The following PTPRM variants were observed in gnomAD, a reference collection of about 807,000 sequenced individuals.
PTPRM encodes protein tyrosine phosphatase receptor type M, also known as receptor-type tyrosine-protein phosphatase mu.
Under a neutral mutation model 186.7 loss-of-function variants are expected in PTPRM, and 47 were observed. The ratio of observed to expected loss-of-function variants is 0.25; its 90% CI spans 0.20 to 0.32. The LOEUF is 0.32. Ranked by LOEUF, PTPRM falls within the 10% of genes least tolerant of loss-of-function variation. The pLI, the probability that PTPRM is intolerant of heterozygous loss-of-function variation, is 1.00. For synonymous variants in PTPRM, 668 were observed against 674.9 expected (o/e 0.99, Z 0.16); for missense variants, 1,494 against 1,865.0 (o/e 0.80, Z 3.66).
At chr18:8,205,918 C>T (rs953651917) in intron 14 of PTPRM, among the ~76,000 whole-genome samples, 1 of 152,016 alleles carries the variant, frequency 6.6e-6, no homozygotes, top group Non-Finnish European at 1.5e-5. Context: ...ATTTGGAGTG[C>T]CCGGTGATTA....
chr18:8,189,186 A>G (rs1261960351), intron 14 of PTPRM, among the ~76,000 whole-genome samples: 1 of 151,144 alleles, frequency 6.6e-6, no homozygotes, highest in African/African-American at 2.4e-5. Context: ...GGTCCCAGCT[A>G]CTCAGGAGGC....
intron 15 of PTPRM, among the ~76,000 whole-genome samples, chr18:8,247,395 T>G (rs1238406338): frequency 6.6e-6 from 1 of 152,220 alleles, no homozygotes; most frequent in Non-Finnish European, 1.5e-5. Context: ...GAGTATTCTC[T>G]GCATATCCAA....
chr18:7,984,218 G>A (rs1332950770), intron 7 of PTPRM, among the ~76,000 whole-genome samples: 1 of 151,982 alleles, frequency 6.6e-6, no homozygotes, highest in African/African-American at 2.4e-5. Flanking sequence ...ACCTTCTTGA[G>A]GGCATTAGAG....
chr18:8,275,229 A>T (rs1234234917), intron 19 of PTPRM, among the ~76,000 whole-genome samples: 1 of 151,956 alleles, frequency 6.6e-6, no homozygotes, highest in East Asian at 1.9e-4. Flanking sequence ...ACTTGGGCCC[A>T]AGAGTTTGAG....
intron 17 of PTPRM, among the ~76,000 whole-genome samples, chr18:8,250,177 T>C (rs757097948): frequency 6.6e-6 from 1 of 151,968 alleles, no homozygotes; most frequent in Non-Finnish European, 1.5e-5. Context: ...AGCCCTAATG[T>C]ATAGAGCTGG....
chr18:8,047,063 C>T lies in PTPRM; in HGVS notation c.1133-22623C>T, dbSNP rs564006915. Among the ~76,000 whole-genome samples the T allele has an allele frequency of 2.0e-4, 30 of 152,230 alleles. No homozygotes were observed. In the South Asian group the frequency reaches 3.9e-3, roughly 20 times the overall value. On this transcript the variant is annotated intron_variant, in intron 7 of 32. Coordinates refer to ENST00000580170, the MANE Select transcript of PTPRM (RefSeq NM_001105244.2). ...AGAATTCAACTTCAGAAAGAATGAA[C>T]GAAACTAAGACTTTTTAAGTTATTT...
At chr18:7,839,621 T>A (rs917318722) in intron 2 of PTPRM, among the ~76,000 whole-genome samples, 3 of 152,074 alleles carry the variant, frequency 2.0e-5, no homozygotes, top group African/African-American at 7.2e-5. Context: ...AGAGATGGGG[T>A]CTCTGTTGGA....
intron 1 of PTPRM, among the ~76,000 whole-genome samples, chr18:7,772,442 TC>T (rs1491316551): frequency 9.7e-6 from 1 of 103,336 alleles, no homozygotes; most frequent in East Asian, 2.6e-4. Context: ...CCCTTCCCCT[TC>T]CCCTTCCTTC....
chr18:7,810,052 C>A (rs1442443092), intron 2 of PTPRM, among the ~76,000 whole-genome samples: 4 of 152,142 alleles, frequency 2.6e-5, no homozygotes, highest in Admixed American at 1.3e-4. Context: ...GCAGGTGGAA[C>A]CTGGAGGTGG....
chr18:7,583,233 G>C (rs184207773), intron 1 of PTPRM, among the ~76,000 whole-genome samples: 205 of 152,288 alleles, frequency 1.3e-3, no homozygotes, highest in African/African-American at 4.7e-3. Flanking sequence ...TAAGGAAAAA[G>C]GAAATGTGAC....
intron 1 of PTPRM, among the ~76,000 whole-genome samples, chr18:7,632,875 CTAAA>C (rs1230785192): frequency 1.3e-5 from 2 of 152,154 alleles, no homozygotes; most frequent in Non-Finnish European, 2.9e-5. Context: ...CCTCAGTGCC[CTAAA>C]TAGTCTTATG....
At chr18:8,277,872 G>A (rs1282048096) in intron 19 of PTPRM, among the ~76,000 whole-genome samples, 1 of 152,182 alleles carries the variant, frequency 6.6e-6, no homozygotes, top group East Asian at 1.9e-4. Flanking sequence ...ACTTGAGATA[G>A]CCATGATTTA....
intron 14 of PTPRM, among the ~76,000 whole-genome samples, chr18:8,228,997 G>C (rs1289600552): frequency 6.6e-6 from 1 of 152,124 alleles, no homozygotes; most frequent in Non-Finnish European, 1.5e-5. Context: ...AAATGTGAGA[G>C]TCGTCACCAA....
At chr18:7,806,658 C>A (rs138767689) in intron 2 of PTPRM, among the ~76,000 whole-genome samples, 1 of 152,184 alleles carries the variant, frequency 6.6e-6, no homozygotes, top group African/African-American at 2.4e-5. Context: ...AGACTCTGGC[C>A]GCTCTGTGGA....
chr18:7,790,505 A>T (rs913204089), intron 2 of PTPRM, among the ~76,000 whole-genome samples: 2 of 152,148 alleles, frequency 1.3e-5, no homozygotes, highest in Non-Finnish European at 2.9e-5. Flanking sequence ...CTGCATACCC[A>T]CTGACACAAA....
chr18:8,143,497 A>G, intron 13 of PTPRM, 150 bp from the exon 14 acceptor site: 1 of 770,956 alleles, frequency 1.3e-6, no homozygotes, highest in Non-Finnish European at 2.1e-6. Context: ...TTCAGTGCAT[A>G]TGAAAGCTGT....
Position 7,567,883 on chromosome 18 carries a change from C to T in PTPRM, c.65C>T (p.Thr22Met). The T allele has an allele frequency of 6.4e-7, 1 of 1,558,652 alleles. No individual in the cohort carries two copies. The highest frequency in any genetic ancestry group is 8.6e-7 in the Non-Finnish European group (1 of 1,157,330). The part of the protein sequence containing the change: ...AGLLLTAAGE[T>M]FSGGCLFDEP... ...CTTTTGCTAACTGCGGCGGGCGAGA[C>T]GTTCTCAGGTAAGCGGGACCGCCTC... The change falls in exon 1 of 33, where the codon ACG becomes ATG. Residue 22 changes from threonine to methionine, a missense_variant. Coordinates refer to ENST00000580170, the MANE Select transcript of PTPRM (RefSeq NM_001105244.2). The surrounding 1 kb of genome is among the most constrained non-coding windows in gnomAD (Gnocchi z 4.3).
In PTPRM at chr18:7,804,762, A is replaced by C. The variant is rs190053671; in HGVS notation, c.196+30491A>C. ...GAAAATCATGCTTTTATTTTAGATC[A>C]CTTTCTTCCCTTGAGCAACTGACTG... is the stretch of plus-strand genomic sequence containing the variant. On this transcript the variant is annotated intron_variant, in intron 2 of 32. Coordinates refer to ENST00000580170, the MANE Select transcript of PTPRM (RefSeq NM_001105244.2). Among the ~76,000 whole-genome samples the C allele has an allele frequency of 1.1e-4, 16 of 152,348 alleles. No individual in the cohort carries two copies. The East Asian group carries it at 2.9e-3, about 28-fold the overall frequency.
intron 5 of PTPRM, among the ~76,000 whole-genome samples, chr18:7,932,953 T>C (rs2051574529): frequency 6.6e-6 from 1 of 152,172 alleles, no homozygotes; most frequent in African/African-American, 2.4e-5. Flanking sequence ...AATGGAAAAT[T>C]CCAGGAATAA....
Sources: allele counts gnomAD v4.1 joint callset (sites outside exome capture counted in the v4.1 genomes callset), GRCh38; gene constraint gnomAD v4.1.1; non-coding constraint Gnocchi (gnomAD v3.1); transcripts MANE v1.5; gene names NCBI Gene and HGNC (gene_info 2026-07-23, HGNC 2026-07-21).